The following PALM2AKAP2 variants were observed in gnomAD, a reference collection of about 807,000 sequenced individuals.
The protein encoded by PALM2AKAP2 is PALM2 and AKAP2 fusion.
PALM2AKAP2 carries 37 observed loss-of-function variants against 71.5 expected under a neutral mutation model. The ratio of observed to expected loss-of-function variants is 0.52; its 90% CI spans 0.40 to 0.68. The LOEUF (loss-of-function observed/expected upper bound fraction) is 0.68. Ranked by LOEUF, PALM2AKAP2 falls within the 30% of genes least tolerant of loss-of-function variation. PALM2AKAP2 has a pLI of 0.00. For missense variants in PALM2AKAP2, 1,224 were observed against 1,191.8 expected, an observed-to-expected ratio of 1.03 and a Z score of -0.40; for synonymous variants, 468 against 478.8, an observed-to-expected ratio of 0.98 and a Z score of 0.29.
intron 1 of PALM2AKAP2, among the ~76,000 whole-genome samples, chr9:109,763,028 C>A (rs1001952298): frequency 2.6e-5 from 4 of 152,102 alleles, no homozygotes; most frequent in Non-Finnish European, 5.9e-5. Context: ...CCAAGAGAGA[C>A]CAGAGGGCAG....
intron 1 of PALM2AKAP2, among the ~76,000 whole-genome samples, chr9:110,091,459 CTTT>C (rs66848294): frequency 6.0e-5 from 5 of 83,652 alleles, no homozygotes; most frequent in East Asian, 3.3e-4. Flanking sequence ...GAGATTTATT[CTTT>C]TTTTTTTTTT....
intron 1 of PALM2AKAP2, among the ~76,000 whole-genome samples, chr9:109,656,267 G>GGGA (rs1827306198): frequency 6.6e-6 from 1 of 152,164 alleles, no homozygotes; most frequent in South Asian, 2.1e-4. Flanking sequence ...TGGTGACTGG[G>GGGA]GGAGATGCTG....
At chr9:109,891,768 G>A (rs946171725) in intron 3 of PALM2AKAP2, among the ~76,000 whole-genome samples, 2 of 152,162 alleles carry the variant, frequency 1.3e-5, no homozygotes, top group Admixed American at 1.3e-4. Flanking sequence ...TGGGATTACA[G>A]GTGTGAATCC....
chr9:110,011,735 G>A (rs1254952140), intron 6 of PALM2AKAP2, among the ~76,000 whole-genome samples: 3 of 152,178 alleles, frequency 2.0e-5, no homozygotes, highest in African/African-American at 7.2e-5. Context: ...CGCAGTGTGT[G>A]GGTTAAGTGC....
At chr9:110,138,343 T>C in exon 2 of PALM2AKAP2, 1 of 1,614,146 alleles carries the variant, frequency 6.2e-7, no homozygotes. Context: ...CTCAAGAATC[T>C]GACGTGATGG....
chr9:109,772,630 A>G (rs1327794), intron 1 of PALM2AKAP2, among the ~76,000 whole-genome samples: 82,914 of 152,134 alleles, frequency 0.55, 25,263 homozygotes, highest in African/African-American at 0.82. Context: ...TTGGTCTTCA[A>G]ACCCCATGAA....
At chr9:109,998,248 G>T (rs1346088238) in intron 6 of PALM2AKAP2, among the ~76,000 whole-genome samples, 1 of 152,184 alleles carries the variant, frequency 6.6e-6, no homozygotes, top group Non-Finnish European at 1.5e-5. Context: ...GTCTCCTTCA[G>T]TCCCAGCTTA....
chr9:110,102,416 C>T (rs548446988), intron 1 of PALM2AKAP2, among the ~76,000 whole-genome samples: 58 of 152,220 alleles, frequency 3.8e-4, no homozygotes, highest in African/African-American at 1.3e-3. Flanking sequence ...TATATTTGTC[C>T]TCCAGTGTTG....
intron 1 of PALM2AKAP2, among the ~76,000 whole-genome samples, chr9:110,083,613 A>G (rs572997256): frequency 2.0e-5 from 3 of 152,036 alleles, no homozygotes; most frequent in African/African-American, 7.2e-5. Flanking sequence ...TCTGCTTTCT[A>G]TCTTGCCAAG....
chr9:109,886,765 T>G (rs10816905), intron 3 of PALM2AKAP2, among the ~76,000 whole-genome samples: 105,835 of 152,054 alleles, frequency 0.7, 38,000 homozygotes, highest in Admixed American at 0.78. Context: ...GTGTACCTGT[T>G]CCGAGAAATG....
intron 1 of PALM2AKAP2, among the ~76,000 whole-genome samples, chr9:109,810,555 G>A (rs1485285776): frequency 6.6e-6 from 1 of 152,174 alleles, no homozygotes; most frequent in African/African-American, 2.4e-5. Context: ...ATGGAGAGGT[G>A]GAGGTGAACA....
At chr9:109,841,361 T>C (rs1015325256) in intron 1 of PALM2AKAP2, among the ~76,000 whole-genome samples, 23 of 131,102 alleles carry the variant, frequency 1.8e-4, no homozygotes, top group Non-Finnish European at 3.5e-4. Context: ...CACTGGGGCC[T>C]GTTGTGGGGT....
intron 1 of PALM2AKAP2, among the ~76,000 whole-genome samples, chr9:109,839,185 C>A (rs568012965): frequency 6.6e-6 from 1 of 152,294 alleles, no homozygotes; most frequent in Non-Finnish European, 1.5e-5. Flanking sequence ...AGCTTATCCA[C>A]CATGATCAAG....
exon 2 of PALM2AKAP2, chr9:110,138,204 C>T (rs781372720): frequency 2.5e-6 from 4 of 1,613,960 alleles, no homozygotes; most frequent in African/African-American, 1.3e-5. Flanking sequence ...GAAAGGGGGC[C>T]CCCCCAGCCA....
chr9:109,776,094 T>C (rs934491692), upstream of PALM2AKAP2, among the ~76,000 whole-genome samples: 9 of 152,260 alleles, frequency 5.9e-5, no homozygotes, highest in African/African-American at 1.7e-4. Flanking sequence ...CCAATATCAT[T>C]GTGGCACTAG....
chr9:109,792,774 G>T (rs536755186), intron 1 of PALM2AKAP2, among the ~76,000 whole-genome samples: 1 of 152,038 alleles, frequency 6.6e-6, no homozygotes, highest in Admixed American at 6.5e-5. Context: ...AGCCTGGGTC[G>T]TCTTTTCACT....
At chr9:109,806,869 G>C (rs10980054) in intron 1 of PALM2AKAP2, among the ~76,000 whole-genome samples, 64,289 of 152,004 alleles carry the variant, frequency 0.42, 16,073 homozygotes, top group African/African-American at 0.69. Flanking sequence ...CTTGACATGA[G>C]ATCAGAATCC....
At chr9:110,115,506 A>T (rs1209038766) in intron 1 of PALM2AKAP2, among the ~76,000 whole-genome samples, 2 of 152,088 alleles carry the variant, frequency 1.3e-5, no homozygotes, top group Non-Finnish European at 2.9e-5. Context: ...CAGTGTCCCC[A>T]GTGCCTGTCC....
intron 6 of PALM2AKAP2, among the ~76,000 whole-genome samples, chr9:109,964,245 G>A (rs556709455): frequency 6.6e-6 from 1 of 152,378 alleles, no homozygotes; most frequent in South Asian, 2.1e-4. Flanking sequence ...CACCAGAGCT[G>A]TGTCTCTCAT....
Sources: gnomAD v4.1 joint callset for allele counts (sites outside exome capture counted in the v4.1 genomes callset) on GRCh38, gnomAD v4.1.1 for gene constraint, MANE v1.5 for transcripts, NCBI Gene and HGNC (gene_info 2026-07-23, HGNC 2026-07-21) for gene names.